MAPK7: variants seen among roughly 807,000 people sequenced by gnomAD.
MAPK7 encodes the protein mitogen-activated protein kinase 7.
In MAPK7, 30 loss-of-function variants were observed where a neutral mutation model predicts 56.9. The observed-to-expected ratio is 0.53, with a 90% confidence interval of 0.39 to 0.72. MAPK7 has a LOEUF of 0.72. Ranked by LOEUF, MAPK7 falls within the 30% of genes least tolerant of loss-of-function variation. The probability of loss-of-function intolerance (pLI) is 0.00; values close to 1 mark genes in which losing one functional copy is unlikely to be tolerated. For synonymous variants in MAPK7, 516 were observed against 449.3 expected, an observed-to-expected ratio of 1.15 and a Z score of -1.88; for missense variants, 952 against 1,110.8, an observed-to-expected ratio of 0.86 and a Z score of 2.03.
rs774285349 is a variant in MAPK7, at chr17:19,380,842, C to T, written c.633C>T (p.Pro211=). 33 of 1,613,586 alleles carry T rather than the reference C, an allele frequency of 2.0e-5. No homozygotes were observed. The Middle Eastern group carries it at 4.9e-4, about 24-fold the overall frequency. ...FGMARGLCTS[P]AEHQYFMTEY... Reference sequence around the variant, plus strand: ...TGGCTCGTGGCCTGTGCACCTCGCCCGCTGAACATCAGTACTTCATGACTG... The same window carrying T: ...TGGCTCGTGGCCTGTGCACCTCGCCTGCTGAACATCAGTACTTCATGACTG... The change falls in exon 4 of 7, where the codon CCC becomes CCT. Residue 211 remains proline (P), a synonymous_variant. Coordinates refer to ENST00000395604, the MANE Select transcript of MAPK7 (RefSeq NM_002749.4).
At position 19,381,051 on chromosome 17, in the gene MAPK7, C is replaced by A; in HGVS notation, c.842C>A (p.Pro281Gln). 6.2e-7 allele frequency: 1 copy of A among 1,614,092 alleles called. No homozygotes were observed. Among genetic ancestry groups the A allele is most frequent in the South Asian group, 1.1e-5 (1 of 91,076 alleles). The change falls in exon 4 of 7, where the codon CCA (proline) becomes CAA (glutamine). Residue 281 changes from proline (P) to glutamine (Q), a missense_variant. Pro to Gln is a moderately conservative substitution (Grantham distance 76). Around this residue, in one of 5 missense-constraint regions of MAPK7, gnomAD observed 429 missense variants for 533.0 expected, o/e 0.80. Coordinates refer to ENST00000395604, the MANE Select transcript of MAPK7 (RefSeq NM_002749.4). The surrounding 1 kb of genome is among the most constrained non-coding windows in gnomAD (Gnocchi z 4.6). ...CTCATCATGATGGTGCTGGGTACCC[C>A]ATCACCAGCCGTGATTCAGGCTGTG... ...LQLIMMVLGTPSPAVIQAVGA... is the reference protein window; with the variant it reads ...LQLIMMVLGTQSPAVIQAVGA...
upstream of MAPK7, chr17:19,378,083 T>G (rs1912247696): frequency 1.0e-6 from 1 of 984,424 alleles, no homozygotes; most frequent in Non-Finnish European, 1.2e-6. This position sits in a 1 kb window ranked among gnomAD's most constrained non-coding sequence, Gnocchi z 5.4. Context: ...GAAGGGGACT[T>G]CGGGAGCCAG....
Position 19,380,842 on chromosome 17 carries a change from C to G in MAPK7, c.633C>G (p.Pro211=), listed in dbSNP as rs774285349. The part of the protein sequence containing the change: ...FGMARGLCTS[P]AEHQYFMTEY... ...TGGCTCGTGGCCTGTGCACCTCGCCCGCTGAACATCAGTACTTCATGACTG... is the reference window on the plus strand; with the variant it reads ...TGGCTCGTGGCCTGTGCACCTCGCCGGCTGAACATCAGTACTTCATGACTG... Residue 211 remains proline (P), a synonymous_variant, in exon 4 of 7, where the codon CCC becomes CCG. Transcript: ENST00000395604. 1.2e-6 allele frequency: 2 copies of G among 1,613,586 alleles called. No homozygotes were observed. Among genetic ancestry groups the G allele is most frequent in the African/African-American group, 1.3e-5 (1 of 74,922 alleles).
rs768880223 is a variant in MAPK7, at chr17:19,382,100, A to T, written c.1797A>T (p.Pro599=). 14 of 1,609,298 alleles carry T rather than the reference A, an allele frequency of 8.7e-6. No individual in the cohort carries two copies. In the East Asian group the frequency reaches 3.1e-4, roughly 36 times the overall value. The change falls in exon 5 of 7, where the codon CCA becomes CCT. Residue 599 remains proline (P), a synonymous_variant. Transcript: ENST00000395604. Reference sequence around the variant, plus strand: ...CAGCGCCAACGCCAACCCCAACCCCAGTCCAACCTACCAGTCCTCCTCCTG... The same window carrying T: ...CAGCGCCAACGCCAACCCCAACCCCTGTCCAACCTACCAGTCCTCCTCCTG... ...PAPAPTPTPT[P]VQPTSPPPGP...
In MAPK7 at chr17:19,381,327, C is replaced by G. The variant is rs770397600; in HGVS notation, c.1118C>G (p.Thr373Ser). Residue 373 changes from threonine (T) to serine (S), a missense_variant, in exon 4 of 7, where the codon ACT becomes AGT. Physicochemically the swap from Thr to Ser is moderately conservative, Grantham distance 58 (BLOSUM62 1). Transcript: ENST00000395604. This position sits in a 1 kb window ranked among gnomAD's most constrained non-coding sequence, Gnocchi z 4.6. ...TTTGCCTTTGACCGCGAAGCCCTCA[C>G]TCGGGAGCGCATTAAGGAGGCCATT... ...FDFAFDREAL[T>S]RERIKEAIVA... The G allele has an allele frequency of 6.2e-7, 1 of 1,614,142 alleles. No homozygotes were observed. The highest frequency in any genetic ancestry group is 8.5e-7 in the Non-Finnish European group (1 of 1,180,052).
In MAPK7 at chr17:19,383,194, T is replaced by A; in HGVS notation, c.2414T>A (p.Met805Lys). 6.2e-7 allele frequency: 1 copy of A among 1,614,148 alleles called. No homozygotes were observed. Among genetic ancestry groups the A allele is most frequent in the Non-Finnish European group, 8.5e-7 (1 of 1,180,030 alleles). The stretch of plus-strand genomic sequence containing the variant: ...CGTGAGATCCAGATGGACTCCCCAA[T>A]GCTGCTGGCTGACCTGCCTGACCTC... ...LQREIQMDSP[M>K]LLADLPDLQD... is the part of the protein sequence containing the mutation. Residue 805 changes from methionine (M) to lysine (K), a missense_variant, in exon 7 of 7, where the codon ATG (methionine) becomes AAG (lysine). Transcript: ENST00000395604.
chr17:19,379,796 A>G lies in MAPK7; in HGVS notation c.247A>G (p.Ile83Val), dbSNP rs1365858543. 6.2e-7 allele frequency: 1 copy of G among 1,614,142 alleles called. No homozygotes were observed. The highest frequency in any genetic ancestry group is 8.5e-7 in the Non-Finnish European group (1 of 1,180,008). ...CTGCTCCTCAGGCCAGCAGGTGGCC[A>G]TCAAGAAGATCCCTAATGCTTTCGA... ...RRRLTGQQVA[I>V]KKIPNAFDVV... The change falls in exon 3 of 7, where the codon ATC becomes GTC. Residue 83 changes from isoleucine (I) to valine (V), a missense_variant. Ile to Val is a conservative substitution (Grantham distance 29). This residue lies in a region of MAPK7 where 213 missense variants were observed against 243.2 expected (regional missense o/e 0.88). Transcript: ENST00000395604.
chr17:19,382,462 C>T lies in MAPK7; in HGVS notation c.2159C>T (p.Ser720Leu), dbSNP rs1432810167. ...VNLVTQQLSKSQVEDPLPPVF... is the reference protein window; with the variant it reads ...VNLVTQQLSKLQVEDPLPPVF... ...CTTGTGACCCAGCAGCTATCTAAGT[C>T]ACAGGTGAGAGGGAGGCCCAGGCCA... The change falls in exon 5 of 7, where the codon TCA becomes TTA. Residue 720 changes from serine (S) to leucine (L), a missense_variant. This residue lies in a region of MAPK7 where 234 missense variants were observed against 210.4 expected (regional missense o/e 1.11). Transcript: ENST00000395604. The T allele has an allele frequency of 1.9e-6, 3 of 1,589,532 alleles. No homozygotes were observed. The highest frequency in any genetic ancestry group is 2.6e-6 in the Non-Finnish European group (3 of 1,166,522).
At chr17:19,380,241 G>A (rs1451904328) in intron 3 of MAPK7, 1 of 505,138 alleles carries the variant, frequency 2.0e-6, no homozygotes, top group African/African-American at 1.9e-5. Context: ...ATCAATCACA[G>A]AACACTTTCC....
chr17:19,380,590 C>A lies in MAPK7; in HGVS notation c.399-18C>A. Reference sequence around the variant, plus strand: ...TGATCAGGCCAACCCATGCTTCTCTCCTTCCTTCCCCTTCCAGCTACGTGG... The same window carrying A: ...TGATCAGGCCAACCCATGCTTCTCTACTTCCTTCCCCTTCCAGCTACGTGG... On this transcript the variant is annotated intron_variant, in intron 3 of 6. Transcript: ENST00000395604. 1 of 1,575,890 alleles carries A rather than the reference C, an allele frequency of 6.3e-7. No individual in the cohort carries two copies. Among genetic ancestry groups the A allele is most frequent in the East Asian group, 2.3e-5 (1 of 44,410 alleles).
Position 19,381,076 on chromosome 17 carries a change from G to T in MAPK7, c.867G>T (p.Val289=), listed in dbSNP as rs768825076. 6.2e-7 allele frequency: 1 copy of T among 1,614,090 alleles called. No individual in the cohort carries two copies. The highest frequency in any genetic ancestry group is 8.5e-7 in the Non-Finnish European group (1 of 1,180,030). Residue 289 remains valine (V), a synonymous_variant, in exon 4 of 7, where the codon GTG becomes GTT. Coordinates refer to ENST00000395604, the MANE Select transcript of MAPK7 (RefSeq NM_002749.4). The surrounding 1 kb of genome is among the most constrained non-coding windows in gnomAD (Gnocchi z 4.6). ...GTPSPAVIQA[V]GAERVRAYIQ... ...CATCACCAGCCGTGATTCAGGCTGT[G>T]GGGGCTGAGAGGGTGCGGGCCTATA...
chr17:19,379,044 C>T lies in MAPK7; in HGVS notation c.144C>T (p.Thr48=), dbSNP rs757651014. The stretch of plus-strand genomic sequence containing the variant: ...TTAAAGCCCGCTCCTTCGATGTGAC[C>T]TTTGACGTGGGCGACGAGTACGAGA... ...ALLKARSFDV[T]FDVGDEYEII... Residue 48 remains threonine (T), a synonymous_variant, in exon 2 of 7, where the codon ACC becomes ACT. Transcript: ENST00000395604. The T allele has an allele frequency of 2.1e-5, 34 of 1,614,046 alleles. No individual in the cohort carries two copies. The highest frequency in any genetic ancestry group is 2.7e-5 in the Non-Finnish European group (32 of 1,180,026).
chr17:19,380,773 A>G lies in MAPK7; in HGVS notation c.564A>G (p.Leu188=), dbSNP rs1252600183. 6 of 1,613,666 alleles carry G rather than the reference A, an allele frequency of 3.7e-6. No homozygotes were observed. Among genetic ancestry groups the G allele is most frequent in the African/African-American group, 1.3e-5 (1 of 74,848 alleles). The change falls in exon 4 of 7, where the codon CTA becomes CTG. Residue 188 remains leucine (L), a synonymous_variant. Transcript: ENST00000395604. ...VIHRDLKPSN[L]LVNENCELKI... ...ACCGTGACCTGAAGCCCTCCAACCT[A>G]TTGGTGAATGAGAACTGTGAGCTCA...
chr17:19,382,242 G>T lies in MAPK7; in HGVS notation c.1939G>T (p.Gly647Trp), dbSNP rs779283737. The change falls in exon 5 of 7, where the codon GGG becomes TGG. Residue 647 changes from glycine to tryptophan, a missense_variant. Physicochemically the swap from Gly to Trp is radical, Grantham distance 184. Transcript: ENST00000395604. ...GPAPHPTGPP[G>W]PIPVPAPPQI... ...TGCACCCCACCCCACTGGCCCTCCT[G>T]GGCCCATCCCTGTCCCCGCGCCACC... 2 of 1,590,846 alleles carry T rather than the reference G, an allele frequency of 1.3e-6. No individual in the cohort carries two copies. The highest frequency in any genetic ancestry group is 3.5e-5 in the Admixed American group (2 of 57,494).
In MAPK7 at chr17:19,382,874, G is replaced by C; in HGVS notation, c.2225G>C (p.Gly742Ala). 6.2e-7 allele frequency: 1 copy of C among 1,614,240 alleles called. No homozygotes were observed. Among genetic ancestry groups the C allele is most frequent in the Non-Finnish European group, 8.5e-7 (1 of 1,180,038 alleles). The part of the protein sequence containing the change: ...GTPKGSGAGY[G>A]VGFDLEEFLN... ...CCAAAGGGCAGTGGGGCTGGCTACGGTGTTGGCTTTGACCTGGAGGAATTC... is the reference window on the plus strand; with the variant it reads ...CCAAAGGGCAGTGGGGCTGGCTACGCTGTTGGCTTTGACCTGGAGGAATTC... The change falls in exon 6 of 7, where the codon GGT becomes GCT. Residue 742 changes from glycine (G) to alanine (A), a missense_variant. This residue lies in a region of MAPK7 where 73 missense variants were observed against 104.6 expected (regional missense o/e 0.70). Transcript: ENST00000395604.
rs1465898155 is a variant in MAPK7 at position 19,380,838 on chromosome 17, C to T, written c.629C>T (p.Ser210Leu). Residue 210 changes from serine to leucine, a missense_variant, in exon 4 of 7, where the codon TCG becomes TTG. By Grantham distance (145) the Ser-to-Leu change is moderately radical (BLOSUM62 -2). Coordinates refer to ENST00000395604, the MANE Select transcript of MAPK7 (RefSeq NM_002749.4). ...DFGMARGLCT[S>L]PAEHQYFMTE... ...GGTATGGCTCGTGGCCTGTGCACCT[C>T]GCCCGCTGAACATCAGTACTTCATG... 9 of 1,613,634 alleles carry T rather than the reference C, an allele frequency of 5.6e-6. No individual in the cohort carries two copies. Among genetic ancestry groups the T allele is most frequent in the African/African-American group, 1.3e-5 (1 of 75,036 alleles).
intron 5 of MAPK7, 66 bp downstream of exon 5, chr17:19,382,532 C>G: frequency 6.6e-7 from 1 of 1,515,836 alleles, no homozygotes; most frequent in Non-Finnish European, 8.8e-7. Flanking sequence ...GTTCAGGAAG[C>G]GGTCAGTGTT....
intron 3 of MAPK7, 99 bp from the exon 4 acceptor site, chr17:19,380,509 T>G: frequency 2.7e-6 from 4 of 1,497,756 alleles, no homozygotes; most frequent in Non-Finnish European, 3.5e-6. Context: ...AGGGTAAGGC[T>G]GTTACCTGTC....
At chr17:19,379,212 A>T in intron 2 of MAPK7, 80 bp downstream of exon 2, 1 of 1,320,788 alleles carries the variant, frequency 7.6e-7, no homozygotes, top group Non-Finnish European at 1.1e-6. Context: ...GACAGCCGGG[A>T]AGGAAAGCGG....
Sources: allele counts gnomAD v4.1 joint callset, GRCh38; gene constraint gnomAD v4.1.1; regional missense constraint gnomAD v4.1.1; non-coding constraint Gnocchi (gnomAD v3.1); transcripts MANE v1.5; gene names NCBI Gene and HGNC (gene_info 2026-07-23, HGNC 2026-07-21).